Variants in FOXC2 observed in about 807,000 individuals in gnomAD.
The protein encoded by FOXC2 is forkhead box C2.
A neutral mutation model predicts 7.2 loss-of-function variants in FOXC2; 7 were observed. The ratio of observed to expected loss-of-function variants is 0.97; its 90% CI spans 0.55 to 1.81. FOXC2 has a LOEUF of 1.81. Among genes scored for constraint, FOXC2 ranks in the 40% most tolerant of loss-of-function variants. The pLI is 0.00. For synonymous variants in FOXC2, 436 were observed against 350.4 expected (o/e 1.24, Z -2.73); for missense variants, 846 against 741.2 (o/e 1.14, Z -1.64).
In FOXC2 at chr16:86,568,250, C is replaced by T. The variant is rs1361443805; in HGVS notation, c.915C>T (p.Tyr305=). The change falls in exon 1 of 1, where the codon TAC becomes TAT. Residue 305 remains tyrosine, a synonymous_variant. Coordinates refer to ENST00000649859, the MANE Select transcript of FOXC2 (RefSeq NM_005251.3). The surrounding 1 kb of genome is among the most constrained non-coding windows in gnomAD (Gnocchi z 5.2). ...TGGTGCCGCCGCTGGCGCTGCCCTA[C>T]GCCGCCGCGCCGCCCGCCGCCTACG... ...GLVVPPLALP[Y]AAAPPAAYGQ... 4 of 1,254,266 alleles carry T rather than the reference C, an allele frequency of 3.2e-6. No homozygotes were observed. The highest frequency in any genetic ancestry group is 2.9e-5 in the South Asian group (1 of 34,508). 77.7% of individuals were successfully genotyped at this position (1,254,266 alleles called of 1,614,324 possible).
At position 86,567,827 on chromosome 16, in the gene FOXC2, C is replaced by T. The variant is rs1436028615; in HGVS notation, c.492C>T (p.Arg164=). 6 of 1,613,712 alleles carry T rather than the reference C, an allele frequency of 3.7e-6. No individual in the cohort carries two copies. Among genetic ancestry groups the T allele is most frequent in the Non-Finnish European group, 5.1e-6 (6 of 1,180,010 alleles). Residue 164 remains arginine, a synonymous_variant, in exon 1 of 1, where the codon CGC becomes CGT. Transcript: ENST00000649859. ...TCGAGAACGGCAGCTTCCTGCGGCG[C>T]CGGCGGCGCTTCAAAAAGAAGGACG... ...NMFENGSFLR[R]RRRFKKKDVS... is the part of the protein sequence containing the mutation.
chr16:86,568,735 G>A lies in FOXC2; in HGVS notation c.1400G>A (p.Gly467Glu). The A allele has an allele frequency of 6.2e-7, 1 of 1,612,924 alleles. No individual in the cohort carries two copies. The highest frequency in any genetic ancestry group is 8.5e-7 in the Non-Finnish European group (1 of 1,179,998). ...CTGGGGATTGAGAACTCGACCCTCG[G>A]GGAGTCCCAGGTGAGTGGCAATGCC... ...HRLGIENSTL[G>E]ESQVSGNASC... Residue 467 changes from glycine to glutamate, a missense_variant, in exon 1 of 1, where the codon GGG becomes GAG. Around this residue, in one of 3 missense-constraint regions of FOXC2, gnomAD observed 640 missense variants for 503.2 expected, o/e 1.27. Transcript: ENST00000649859. The surrounding 1 kb of genome is among the most constrained non-coding windows in gnomAD (Gnocchi z 5.2).
rs761099277 is a variant in FOXC2 at position 86,568,891 on chromosome 16, C to T, written c.*50C>T. ...GGCCCGCTCCGGCTTCGCTTCCCAGCCCCGACCCAACCAGACAATTAAGGG... is the reference window on the plus strand; with the variant it reads ...GGCCCGCTCCGGCTTCGCTTCCCAGTCCCGACCCAACCAGACAATTAAGGG... On this transcript the variant is annotated 3_prime_UTR_variant, in exon 1 of 1. Transcript: ENST00000649859. This position sits in a 1 kb window ranked among gnomAD's most constrained non-coding sequence, Gnocchi z 5.2. 2 of 1,607,000 alleles carry T rather than the reference C, an allele frequency of 1.2e-6. No homozygotes were observed. Among genetic ancestry groups the T allele is most frequent in the Non-Finnish European group, 1.7e-6 (2 of 1,176,306 alleles).
Position 86,567,856 on chromosome 16 carries a change from C to G in FOXC2, c.521C>G (p.Ser174Cys). The G allele has an allele frequency of 1.2e-6, 2 of 1,612,782 alleles. No homozygotes were observed. Among genetic ancestry groups the G allele is most frequent in the Non-Finnish European group, 1.7e-6 (2 of 1,180,010 alleles). The change falls in exon 1 of 1, where the codon TCC (serine) becomes TGC (cysteine). Residue 174 changes from serine (S) to cysteine (C), a missense_variant. Physicochemically the swap from Ser to Cys is moderately radical, Grantham distance 112. This residue lies in a region of FOXC2 where 640 missense variants were observed against 503.2 expected (regional missense o/e 1.27). Coordinates refer to ENST00000649859, the MANE Select transcript of FOXC2 (RefSeq NM_005251.3). ...CGGCGCTTCAAAAAGAAGGACGTGT[C>G]CAAGGAGAAGGAGGAGCGGGCCCAC... is the stretch of plus-strand genomic sequence containing the variant. ...RRRRFKKKDV[S>C]KEKEERAHLK...
chr16:86,569,014 G>C lies in FOXC2; in HGVS notation c.*173G>C. Reference sequence around the variant, plus strand: ...ACGCTAGCCCCCAGCCGTCTGTGAAGAGCGCAGGTAACTTTAATTCGCCGC... The same window carrying C: ...ACGCTAGCCCCCAGCCGTCTGTGAACAGCGCAGGTAACTTTAATTCGCCGC... On this transcript the variant is annotated 3_prime_UTR_variant, in exon 1 of 1. Transcript: ENST00000649859. 2 of 845,858 alleles carry C rather than the reference G, an allele frequency of 2.4e-6. No individual in the cohort carries two copies. The highest frequency in any genetic ancestry group is 3.8e-6 in the Non-Finnish European group (2 of 531,262). 52.4% of individuals were successfully genotyped at this position (845,858 alleles called of 1,614,324 possible).
In FOXC2 at chr16:86,568,750, G is replaced by A; in HGVS notation, c.1415G>A (p.Ser472Asn). Reference sequence around the variant, plus strand: ...TCGACCCTCGGGGAGTCCCAGGTGAGTGGCAATGCCAGCTGCCAGCTGCCC... The same window carrying A: ...TCGACCCTCGGGGAGTCCCAGGTGAATGGCAATGCCAGCTGCCAGCTGCCC... ...ENSTLGESQV[S>N]GNASCQLPYR... Residue 472 changes from serine (S) to asparagine (N), a missense_variant, in exon 1 of 1, where the codon AGT becomes AAT. Physicochemically the swap from Ser to Asn is conservative, Grantham distance 46. Coordinates refer to ENST00000649859, the MANE Select transcript of FOXC2 (RefSeq NM_005251.3). The surrounding 1 kb of genome is among the most constrained non-coding windows in gnomAD (Gnocchi z 5.2). The A allele has an allele frequency of 6.2e-7, 1 of 1,612,984 alleles. No individual in the cohort carries two copies. The highest frequency in any genetic ancestry group is 8.5e-7 in the Non-Finnish European group (1 of 1,180,016).
chr16:86,567,204 C>A lies in FOXC2; in HGVS notation c.-132C>A. On this transcript the variant is annotated 5_prime_UTR_variant, in exon 1 of 1. Transcript: ENST00000649859. Reference sequence around the variant, plus strand: ...CCCTCGCCCCGGAGGCTGCCAGGAGCCCGGGGCCGCCCCTCCCGCTCCCCT... The same window carrying A: ...CCCTCGCCCCGGAGGCTGCCAGGAGACCGGGGCCGCCCCTCCCGCTCCCCT... 3 of 1,055,264 alleles carry A rather than the reference C, an allele frequency of 2.8e-6. No individual in the cohort carries two copies. Among genetic ancestry groups the A allele is most frequent in the Admixed American group, 2.4e-5 (1 of 40,846 alleles). 65.4% of individuals were successfully genotyped at this position (1,055,264 alleles called of 1,614,324 possible).
rs772764204 is a variant in FOXC2 at position 86,567,881 on chromosome 16, C to T, written c.546C>T (p.His182=). The part of the protein sequence containing the change: ...DVSKEKEERA[H]LKEPPPAASK... ...CCAAGGAGAAGGAGGAGCGGGCCCA[C>T]CTCAAGGAGCCGCCCCCGGCGGCGT... The change falls in exon 1 of 1, where the codon CAC becomes CAT. Residue 182 remains histidine, a synonymous_variant. Transcript: ENST00000649859. 2 of 1,604,110 alleles carry T rather than the reference C, an allele frequency of 1.2e-6. No homozygotes were observed. The highest frequency in any genetic ancestry group is 2.2e-5 in the East Asian group (1 of 44,794).
chr16:86,568,800 C>A lies in FOXC2; in HGVS notation c.1465C>A (p.Arg489Ser). The A allele has an allele frequency of 6.2e-7, 1 of 1,612,954 alleles. No homozygotes were observed. Reference sequence around the variant, plus strand: ...CTACAGATCCACGCCGCCTCTCTATCGCCACGCAGCCCCCTACTCCTACGA... The same window carrying A: ...CTACAGATCCACGCCGCCTCTCTATAGCCACGCAGCCCCCTACTCCTACGA... ...LPYRSTPPLY[R>S]HAAPYSYDCT... Residue 489 changes from arginine to serine, a missense_variant, in exon 1 of 1, where the codon CGC (arginine) becomes AGC (serine). Arg to Ser is a moderately radical substitution (Grantham distance 110). Coordinates refer to ENST00000649859, the MANE Select transcript of FOXC2 (RefSeq NM_005251.3). The surrounding 1 kb of genome is among the most constrained non-coding windows in gnomAD (Gnocchi z 5.2).
rs2144022040 is a variant in FOXC2 at position 86,569,164 on chromosome 16, TAA to T, written c.*324_*325del. ...GTGCTCGACCTGAGCTTTCAAAAGT[TAA>T]GTTATGGACCAAATCCCATAGCGAG... On this transcript the variant is annotated 3_prime_UTR_variant, in exon 1 of 1. Transcript: ENST00000649859. 2.2e-6 allele frequency: 1 copy of T among 461,420 alleles called. No individual in the cohort carries two copies. The highest frequency in any genetic ancestry group is 2.3e-5 in the South Asian group (1 of 44,186). The allele number at this position is 461,420 out of a possible 1,614,324, so 28.6% of individuals were successfully genotyped here.
In FOXC2 at chr16:86,567,668, G is replaced by C. The variant is rs751140878; in HGVS notation, c.333G>C (p.Glu111Asp). The C allele has an allele frequency of 1.2e-6, 2 of 1,614,084 alleles. No individual in the cohort carries two copies. Among genetic ancestry groups the C allele is most frequent in the Non-Finnish European group, 1.7e-6 (2 of 1,180,044 alleles). The change falls in exon 1 of 1, where the codon GAG (glutamate) becomes GAC (aspartate). Residue 111 changes from glutamate to aspartate, a missense_variant. Physicochemically the swap from Glu to Asp is conservative, Grantham distance 45. Coordinates refer to ENST00000649859, the MANE Select transcript of FOXC2 (RefSeq NM_005251.3). Reference sequence around the variant, plus strand: ...TGGACCGCTTCCCCTTCTACCGGGAGAACAAGCAGGGCTGGCAGAACAGCA... The same window carrying C: ...TGGACCGCTTCCCCTTCTACCGGGACAACAAGCAGGGCTGGCAGAACAGCA... ...FIMDRFPFYR[E>D]NKQGWQNSIR...
chr16:86,567,051 G>C lies in FOXC2; in HGVS notation c.-285G>C, dbSNP rs1012426633. On this transcript the variant is annotated 5_prime_UTR_variant, in exon 1 of 1. Transcript: ENST00000649859. ...CCCGCCTGCCCGCGCTGCCGCCGCC[G>C]GGTCCTGGAGCCAGCGAGGAGCGGG... Among the ~76,000 whole-genome samples the C allele has an allele frequency of 2.0e-5, 3 of 150,486 alleles. No individual in the cohort carries two copies. Among genetic ancestry groups the C allele is most frequent in the Non-Finnish European group, 4.4e-5 (3 of 67,456 alleles).
rs949391136 is a variant in FOXC2 at position 86,567,279 on chromosome 16, C to T, written c.-57C>T. On this transcript the variant is annotated 5_prime_UTR_variant, in exon 1 of 1. Coordinates refer to ENST00000649859, the MANE Select transcript of FOXC2 (RefSeq NM_005251.3). ...GCTCTCTCGCTCTCAGGGCCCCCCT[C>T]GCTCCCCCGGCCGCAGTCCGTGCGC... 4 of 1,603,680 alleles carry T rather than the reference C, an allele frequency of 2.5e-6. No individual in the cohort carries two copies. In the East Asian group the frequency reaches 8.9e-5, roughly 36 times the overall value.
rs1443463305 is a variant in FOXC2 at position 86,568,512 on chromosome 16, G to A, written c.1177G>A (p.Gly393Ser). The A allele has an allele frequency of 1.6e-6, 2 of 1,287,826 alleles. No individual in the cohort carries two copies. Among genetic ancestry groups the A allele is most frequent in the African/African-American group, 1.6e-5 (1 of 64,060 alleles). 79.8% of individuals were successfully genotyped at this position (1,287,826 alleles called of 1,614,324 possible). Residue 393 changes from glycine (G) to serine (S), a missense_variant, in exon 1 of 1, where the codon GGC becomes AGC. Coordinates refer to ENST00000649859, the MANE Select transcript of FOXC2 (RefSeq NM_005251.3). The surrounding 1 kb of genome is among the most constrained non-coding windows in gnomAD (Gnocchi z 5.2). The stretch of plus-strand genomic sequence containing the variant: ...CACGGGCCACCACCACCAGCACCAC[G>A]GCCACCACCACCCGCAGGCGCCGCC... Reference protein sequence around the residue: ...AATGHHHQHHGHHHPQAPPPP... With the variant: ...AATGHHHQHHSHHHPQAPPPP...
chr16:86,567,411 C>A lies in FOXC2; in HGVS notation c.76C>A (p.Arg26=). The A allele has an allele frequency of 5.6e-6, 9 of 1,613,322 alleles. No individual in the cohort carries two copies. The highest frequency in any genetic ancestry group is 7.6e-6 in the Non-Finnish European group (9 of 1,179,840). The part of the protein sequence containing the change: ...VPYLSEQNYY[R]AAGSYGGMAS... The stretch of plus-strand genomic sequence containing the variant: ...CTACCTGAGCGAGCAGAATTACTAC[C>A]GGGCTGCGGGCAGCTACGGCGGCAT... The change falls in exon 1 of 1, where the codon CGG becomes AGG. Residue 26 remains arginine, a synonymous_variant. Transcript: ENST00000649859.
At position 86,568,161 on chromosome 16, in the gene FOXC2, A is replaced by G; in HGVS notation, c.826A>G (p.Met276Val). ...GLPGFSVENI[M>V]TLRTSPPGGE... Reference sequence around the variant, plus strand: ...GCCTGGCTTCAGCGTGGAGAACATCATGACCCTGCGAACGTCGCCGCCGGG... The same window carrying G: ...GCCTGGCTTCAGCGTGGAGAACATCGTGACCCTGCGAACGTCGCCGCCGGG... The change falls in exon 1 of 1, where the codon ATG (methionine) becomes GTG (valine). Residue 276 changes from methionine to valine, a missense_variant. By Grantham distance (21) the Met-to-Val change is conservative. Around this residue, in one of 3 missense-constraint regions of FOXC2, gnomAD observed 640 missense variants for 503.2 expected, o/e 1.27. Transcript: ENST00000649859. This position sits in a 1 kb window ranked among gnomAD's most constrained non-coding sequence, Gnocchi z 5.2. The G allele has an allele frequency of 7.6e-7, 1 of 1,309,476 alleles. No homozygotes were observed. The highest frequency in any genetic ancestry group is 9.6e-7 in the Non-Finnish European group (1 of 1,038,038). 81.1% of individuals were successfully genotyped at this position (1,309,476 alleles called of 1,614,324 possible). A position where few individuals can be genotyped will look rare whatever the true frequency, so the allele number is the denominator to read the frequency against.
At position 86,569,181 on chromosome 16, in the gene FOXC2, C is replaced by A; in HGVS notation, c.*340C>A. On this transcript the variant is annotated 3_prime_UTR_variant, in exon 1 of 1. Coordinates refer to ENST00000649859, the MANE Select transcript of FOXC2 (RefSeq NM_005251.3). ...TCAAAAGTTAAGTTATGGACCAAAT[C>A]CCATAGCGAGCCCCTAGTGACTTTC... 4.7e-6 allele frequency: 2 copies of A among 422,720 alleles called. No homozygotes were observed. The highest frequency in any genetic ancestry group is 9.1e-6 in the Non-Finnish European group (2 of 218,632). The allele number at this position is 422,720 out of a possible 1,614,324, so 26.2% of individuals were successfully genotyped here.
rs1974222887 is a variant in FOXC2, at chr16:86,567,981, G to A, written c.646G>A (p.Glu216Lys). ...EAEKKVVIKSEAASPALPVIT... is the reference protein window; with the variant it reads ...EAEKKVVIKSKAASPALPVIT... ...CGAGAAGAAGGTGGTGATCAAGAGCGAGGCGGCGTCCCCGGCGCTGCCGGT... is the reference window on the plus strand; with the variant it reads ...CGAGAAGAAGGTGGTGATCAAGAGCAAGGCGGCGTCCCCGGCGCTGCCGGT... The change falls in exon 1 of 1, where the codon GAG becomes AAG. Residue 216 changes from glutamate (E) to lysine (K), a missense_variant. Transcript: ENST00000649859. The A allele has an allele frequency of 5.9e-6, 9 of 1,520,502 alleles. No homozygotes were observed. The highest frequency in any genetic ancestry group is 7.8e-6 in the Non-Finnish European group (9 of 1,148,340). 94.2% of individuals were successfully genotyped at this position (1,520,502 alleles called of 1,614,324 possible).
rs1237546810 is a variant in FOXC2, at chr16:86,569,093, G to A, written c.*252G>A. ...CCAAAGGGACGCAGCCCAACAAAAT[G>A]AGTATTGATCTTAAAATCCCCCTCC... On this transcript the variant is annotated 3_prime_UTR_variant, in exon 1 of 1. Transcript: ENST00000649859. 3.4e-6 allele frequency: 2 copies of A among 596,128 alleles called. No individual in the cohort carries two copies. The highest frequency in any genetic ancestry group is 6.1e-6 in the Non-Finnish European group (2 of 325,994). The allele number at this position is 596,128 out of a possible 1,614,324, so 36.9% of individuals were successfully genotyped here. A position where few individuals can be genotyped will look rare whatever the true frequency, so the allele number is the denominator to read the frequency against.
Sources: allele counts gnomAD v4.1 joint callset (sites outside exome capture counted in the v4.1 genomes callset), GRCh38; gene constraint gnomAD v4.1.1; regional missense constraint gnomAD v4.1.1; non-coding constraint Gnocchi (gnomAD v3.1); transcripts MANE v1.5; gene names NCBI Gene and HGNC (gene_info 2026-07-23, HGNC 2026-07-21).